WDR49: variants seen among roughly 807,000 people sequenced by gnomAD.
The protein encoded by WDR49 is cilia- and flagella-associated protein 337.
WDR49 carries 107 observed loss-of-function variants against 119.5 expected under a neutral mutation model. That is an observed-to-expected ratio of 0.90 (90% CI 0.77 to 1.05). The LOEUF is 1.05. Among genes scored for constraint, WDR49 ranks in the 50% least tolerant of loss-of-function variants. The probability of loss-of-function intolerance (pLI) is 0.00; values close to 1 mark genes in which losing one functional copy is unlikely to be tolerated. For missense variants in WDR49, 1,240 were observed against 1,220.5 expected (o/e 1.02, Z -0.24); for synonymous variants, 425 against 418.8 (o/e 1.01, Z -0.18).
intron 10 of WDR49, among the ~76,000 whole-genome samples, chr3:167,547,396 T>G (rs1164887217): frequency 6.6e-6 from 1 of 151,652 alleles, no homozygotes; most frequent in African/African-American, 2.4e-5. Context: ...AAAGATTCTG[T>G]TTTTTTATGA....
chr3:167,602,299 A>G (rs1395141313), intron 6 of WDR49, 24 bp from the exon 7 acceptor site: 1 of 1,549,224 alleles, frequency 6.5e-7, no homozygotes, highest in East Asian at 2.3e-5. Flanking sequence ...GAAAGAAAAA[A>G]AATGTTTTTA....
chr3:167,547,233 T>G (rs1712261712), intron 10 of WDR49, among the ~76,000 whole-genome samples: 1 of 151,896 alleles, frequency 6.6e-6, no homozygotes, highest in Non-Finnish European at 1.5e-5. Context: ...GTTTTATTTT[T>G]GAGTAACTTC....
intron 10 of WDR49, among the ~76,000 whole-genome samples, chr3:167,553,959 A>C (rs760728013): frequency 1.3e-5 from 2 of 152,148 alleles, no homozygotes; most frequent in Non-Finnish European, 2.9e-5. Context: ...GCTTCAAAGC[A>C]TTAAGGTCAT....
chr3:167,565,306 G>C (rs1303388437), intron 8 of WDR49, among the ~76,000 whole-genome samples: 2 of 150,368 alleles, frequency 1.3e-5, no homozygotes, highest in Non-Finnish European at 2.9e-5. Context: ...ATCCAGCAGT[G>C]AATAAGTTCT....
At chr3:167,656,622 A>G (rs1718611535), upstream of WDR49, among the ~76,000 whole-genome samples, 1 of 152,224 alleles carries the variant, frequency 6.6e-6, no homozygotes, top group Non-Finnish European at 1.5e-5. Context: ...AACAAATTAC[A>G]GTAGAAGTTA....
chr3:167,532,705 T>G (rs1752893198), intron 12 of WDR49, among the ~76,000 whole-genome samples, 174 bp downstream of exon 12: 1 of 152,156 alleles, frequency 6.6e-6, no homozygotes, highest in South Asian at 2.1e-4. Flanking sequence ...CTAAGCCAAG[T>G]AAATCTCAAG....
chr3:167,549,282 T>G (rs1415444075), intron 10 of WDR49, among the ~76,000 whole-genome samples: 1 of 152,190 alleles, frequency 6.6e-6, no homozygotes, highest in South Asian at 2.1e-4. Context: ...TCTTCCACAA[T>G]GGTTGAACTA....
chr3:167,546,129 T>A (rs568926463), intron 10 of WDR49, among the ~76,000 whole-genome samples: 2 of 151,996 alleles, frequency 1.3e-5, no homozygotes, highest in African/African-American at 4.8e-5. Context: ...TTTTGCATTA[T>A]CTCTCAGCCA....
chr3:167,528,996 G>T, intron 14 of WDR49, 56 bp downstream of exon 14: 1 of 1,405,314 alleles, frequency 7.1e-7, no homozygotes, highest in Non-Finnish European at 9.4e-7. Flanking sequence ...ATAGTTACCT[G>T]CAACAAAGGG....
chr3:167,542,416 AATTGAAGTTAT>A (rs1711901551), intron 10 of WDR49, among the ~76,000 whole-genome samples: 1 of 152,160 alleles, frequency 6.6e-6, no homozygotes, highest in Admixed American at 6.6e-5. Flanking sequence ...AATTTTAGAA[AATTGAAGTTAT>A]ATCAAGTACC....
intron 7 of WDR49, among the ~76,000 whole-genome samples, chr3:167,587,938 T>C (rs768375455): frequency 1.3e-5 from 2 of 152,234 alleles, no homozygotes; most frequent in Non-Finnish European, 2.9e-5. Context: ...GCATTTATCC[T>C]GTGTGTTACA....
chr3:167,565,441 T>C (rs1006370241), intron 8 of WDR49, among the ~76,000 whole-genome samples: 7 of 151,166 alleles, frequency 4.6e-5, no homozygotes, highest in Admixed American at 2.0e-4. Context: ...TGTATATATG[T>C]AATATAGTGT....
intron 17 of WDR49, 66 bp downstream of exon 17, chr3:167,505,241 C>A: frequency 7.6e-7 from 1 of 1,323,226 alleles, no homozygotes; most frequent in Non-Finnish European, 9.7e-7. Context: ...ACAGAGTAGA[C>A]ATTTGTATTC....
intron 2 of WDR49, among the ~76,000 whole-genome samples, chr3:167,646,788 T>A (rs537398595): frequency 1.3e-5 from 2 of 152,228 alleles, no homozygotes; most frequent in African/African-American, 4.8e-5. Flanking sequence ...AGGAACATAA[T>A]GTCTCTGGTA....
intron 2 of WDR49, among the ~76,000 whole-genome samples, chr3:167,649,662 T>G (rs181614332): frequency 8.0e-4 from 122 of 152,320 alleles, no homozygotes; most frequent in Middle Eastern, 3.4e-3. Flanking sequence ...GACAGATTTG[T>G]TTTAAGAATT....
chr3:167,490,476 T>C (rs1751093107), intron 18 of WDR49, among the ~76,000 whole-genome samples: 1 of 152,186 alleles, frequency 6.6e-6, no homozygotes. Context: ...ATTTATCATA[T>C]AGTCAATGCA....
chr3:167,574,356 T>C (rs576470142), intron 8 of WDR49, among the ~76,000 whole-genome samples: 1 of 152,336 alleles, frequency 6.6e-6, no homozygotes, highest in East Asian at 1.9e-4. Context: ...GTGAGTGATA[T>C]TTTCTTTGTA....
chr3:167,507,386 T>A (rs1427770347), intron 16 of WDR49, among the ~76,000 whole-genome samples: 1 of 152,162 alleles, frequency 6.6e-6, no homozygotes, highest in African/African-American at 2.4e-5. Context: ...GAAATAATGA[T>A]ATCCTTAGAG....
intron 18 of WDR49, among the ~76,000 whole-genome samples, chr3:167,483,133 T>C (rs1436410063): frequency 6.6e-6 from 1 of 152,198 alleles, no homozygotes; most frequent in Non-Finnish European, 1.5e-5. Context: ...TGAATAAATC[T>C]GCAACTGGCA....
Sources: gnomAD v4.1 joint callset for allele counts (sites outside exome capture counted in the v4.1 genomes callset) on GRCh38, gnomAD v4.1.1 for gene constraint, MANE v1.5 for transcripts, NCBI Gene and HGNC (gene_info 2026-07-23, HGNC 2026-07-21) for gene names.